Variants in RBFOX1 observed in about 807,000 individuals in gnomAD.
RBFOX1 encodes the protein RNA binding protein fox-1 homolog 1.
Under a neutral mutation model 57.7 loss-of-function variants are expected in RBFOX1, and 8 were observed. The ratio of observed to expected loss-of-function variants is 0.14; its 90% CI spans 0.08 to 0.25. The LOEUF (loss-of-function observed/expected upper bound fraction) is 0.25. RBFOX1 is among the 10% of genes least tolerant of loss of function. The pLI is 1.00. For missense variants in RBFOX1, 611 were observed against 548.5 expected (o/e 1.11, Z -1.14); for synonymous variants, 326 against 222.4 (o/e 1.47, Z -4.15).
chr16:6,046,518 AAGT>A (rs1438147390), intron 1 of RBFOX1, among the ~76,000 whole-genome samples: 1 of 152,148 alleles, frequency 6.6e-6, no homozygotes, highest in African/African-American at 2.4e-5. Context: ...TCAGGTCTAA[AAGT>A]AGGATTTGAG....
intron 13 of RBFOX1, among the ~76,000 whole-genome samples, chr16:7,666,699 C>G (rs757319710): frequency 2.4e-4 from 37 of 152,122 alleles, no homozygotes; most frequent in African/African-American, 8.5e-4. Context: ...AGAGAATCCA[C>G]AGAGCAATGC....
chr16:6,940,865 G>GTC (rs1215535395), intron 3 of RBFOX1, among the ~76,000 whole-genome samples: 5,001 of 130,698 alleles, frequency 0.038, 451 homozygotes, highest in African/African-American at 0.14. Context: ...GTGTGTGTGT[G>GTC]TGTGTGTGTG....
chr16:7,442,538 C>G (rs868669845), intron 4 of RBFOX1, among the ~76,000 whole-genome samples: 4 of 152,092 alleles, frequency 2.6e-5, no homozygotes, highest in Non-Finnish European at 5.9e-5. Flanking sequence ...TGCTTTTGCC[C>G]AAGGGCTGGT....
intron 11 of RBFOX1, among the ~76,000 whole-genome samples, chr16:7,641,858 T>C (rs1442604953): frequency 3.3e-5 from 5 of 152,094 alleles, no homozygotes; most frequent in Admixed American, 6.5e-5. Flanking sequence ...CTAAATGAGA[T>C]TGTTGTGCAG....
intron 2 of RBFOX1, among the ~76,000 whole-genome samples, chr16:6,383,944 G>A (rs1016552806): frequency 6.6e-6 from 1 of 151,512 alleles, no homozygotes; most frequent in African/African-American, 2.4e-5. Flanking sequence ...AATTTTAAGG[G>A]GAAAAAAAAG....
At chr16:6,460,692 T>A (rs1182114032) in intron 2 of RBFOX1, among the ~76,000 whole-genome samples, 1 of 152,174 alleles carries the variant, frequency 6.6e-6, no homozygotes, top group East Asian at 1.9e-4. Context: ...GTGTGGTGAT[T>A]CCTTAAAGGT....
chr16:6,915,377 C>T (rs1260581747), intron 3 of RBFOX1, among the ~76,000 whole-genome samples: 1 of 152,186 alleles, frequency 6.6e-6, no homozygotes, highest in Admixed American at 6.5e-5. Context: ...AGGAAACACG[C>T]AGCTTCCCAA....
chr16:5,328,685 C>G (rs773782659), intron 1 of RBFOX1, among the ~76,000 whole-genome samples: 3 of 152,198 alleles, frequency 2.0e-5, no homozygotes, highest in Non-Finnish European at 2.9e-5. Context: ...CTTTTTGGTC[C>G]CAGCCTCCTG....
At chr16:6,949,501 A>G (rs1277151793) in intron 3 of RBFOX1, among the ~76,000 whole-genome samples, 2 of 152,180 alleles carry the variant, frequency 1.3e-5, no homozygotes, top group South Asian at 2.1e-4. Flanking sequence ...AAGCCAGAGC[A>G]TTGGCAGGGT....
rs1407409226 is a variant in RBFOX1 at position 7,292,269 on chromosome 16, C to T, written c.28-225878C>T. Among the ~76,000 whole-genome samples, 4 of 108,284 alleles carry T rather than the reference C, an allele frequency of 3.7e-5. No individual in the cohort carries two copies. The East Asian group carries it at 7.1e-4, about 19-fold the overall frequency. The allele number at this position is 108,284 out of a possible 152,430, so 71.0% of individuals were successfully genotyped here. On this transcript the variant is annotated intron_variant, in intron 4 of 15. Transcript: ENST00000550418. The stretch of plus-strand genomic sequence containing the variant: ...CATATATATGATATATGATATAGAA[C>T]GTATTATATATCATATATCATATAT...
intron 4 of RBFOX1, among the ~76,000 whole-genome samples, chr16:7,067,977 A>G (rs1295775385): frequency 8.0e-6 from 1 of 124,844 alleles, no homozygotes. Context: ...TTTGTAATTC[A>G]TGGCTCCTTC....
intron 1 of RBFOX1, among the ~76,000 whole-genome samples, chr16:6,048,730 A>G (rs1330093078): frequency 6.6e-6 from 1 of 152,170 alleles, no homozygotes; most frequent in Non-Finnish European, 1.5e-5. Context: ...GATAGTTGCA[A>G]CAGCTTTTGG....
intron 4 of RBFOX1, among the ~76,000 whole-genome samples, chr16:7,210,279 G>C (rs1166868262): frequency 3.9e-5 from 6 of 152,134 alleles, no homozygotes; most frequent in African/African-American, 1.4e-4. Context: ...AAGCAATTCA[G>C]AAATCCATGG....
intron 1 of RBFOX1, among the ~76,000 whole-genome samples, chr16:6,079,910 C>G (rs2095974131): frequency 6.6e-6 from 1 of 152,172 alleles, no homozygotes; most frequent in African/African-American, 2.4e-5. Flanking sequence ...AGTGTCTAGT[C>G]CATTGAGAAT....
intron 3 of RBFOX1, among the ~76,000 whole-genome samples, chr16:6,730,632 G>A (rs2068328454): frequency 6.6e-6 from 1 of 152,152 alleles, no homozygotes; most frequent in Non-Finnish European, 1.5e-5. Flanking sequence ...TTAATGTGAA[G>A]ACTGGTCATT....
At chr16:6,976,922 GTATATTA>G (rs1196939215) in intron 3 of RBFOX1, among the ~76,000 whole-genome samples, 1 of 141,284 alleles carries the variant, frequency 7.1e-6, no homozygotes, top group African/African-American at 2.7e-5. Flanking sequence ...CACATATATT[GTATATTA>G]TATATATCAT....
chr16:5,373,714 C>T (rs1027485420), intron 1 of RBFOX1, among the ~76,000 whole-genome samples: 4 of 151,746 alleles, frequency 2.6e-5, no homozygotes, highest in Non-Finnish European at 1.5e-5. Flanking sequence ...GGCTATTCTC[C>T]TGTCTCAGCC....
chr16:5,847,869 G>A (rs1384643497), intron 3 of RBFOX1, among the ~76,000 whole-genome samples: 1 of 151,914 alleles, frequency 6.6e-6, no homozygotes, highest in Non-Finnish European at 1.5e-5. Flanking sequence ...GACTATGTTA[G>A]TCATTAGCAT....
chr16:7,575,163 C>G (rs1378925209), intron 5 of RBFOX1, among the ~76,000 whole-genome samples: 1 of 152,032 alleles, frequency 6.6e-6, no homozygotes, highest in Non-Finnish European at 1.5e-5. Context: ...GAGATGGAGT[C>G]TCACTCTGTC....
Sources: gnomAD v4.1 joint callset for allele counts (sites outside exome capture counted in the v4.1 genomes callset) on GRCh38, gnomAD v4.1.1 for gene constraint, MANE v1.5 for transcripts, NCBI Gene and HGNC (gene_info 2026-07-23, HGNC 2026-07-21) for gene names.